The following ATAD2B variants were observed in gnomAD, a reference collection of about 807,000 sequenced individuals.
ATAD2B encodes the protein ATPase family AAA domain-containing protein 2B.
A neutral mutation model predicts 167.6 loss-of-function variants in ATAD2B; 40 were observed. The observed-to-expected ratio is 0.24, with a 90% CI of 0.19 to 0.31. ATAD2B has a LOEUF of 0.31. Ranked by LOEUF, ATAD2B falls within the 10% of genes least tolerant of loss-of-function variation. ATAD2B has a pLI of 1.00. For missense variants in ATAD2B, 1,242 were observed against 1,757.2 expected, an observed-to-expected ratio of 0.71 and a Z score of 5.24; for synonymous variants, 579 against 596.5, an observed-to-expected ratio of 0.97 and a Z score of 0.43.
intron 22 of ATAD2B, among the ~76,000 whole-genome samples, chr2:23,767,719 G>C (rs1301704299): frequency 6.6e-6 from 1 of 152,100 alleles, no homozygotes; most frequent in Non-Finnish European, 1.5e-5. Flanking sequence ...GACTTGAACT[G>C]GGGTAATGGT....
intron 13 of ATAD2B, among the ~76,000 whole-genome samples, chr2:23,834,374 C>G (rs1167809735): frequency 6.6e-6 from 1 of 151,782 alleles, no homozygotes; most frequent in Non-Finnish European, 1.5e-5. Context: ...ATTGGTCAGG[C>G]TGGTCTCGAA....
rs1704899146 is a variant in ATAD2B at position 23,926,645 on chromosome 2, C to G, written c.126G>C (p.Arg42=). The change falls in exon 1 of 28, where the codon CGG becomes CGC. Residue 42 remains arginine (R), a synonymous_variant. Transcript: ENST00000238789. ...TGGSSHFISS[R]TRSSKTRAAS... ...CGGCGCGGGTCTTGGAGGAGCGGGT[C>G]CGAGAGGAGATGAAATGGCTGCTGC... 6.4e-7 allele frequency: 1 copy of G among 1,563,346 alleles called. No individual in the cohort carries two copies. The highest frequency in any genetic ancestry group is 8.7e-7 in the Non-Finnish European group (1 of 1,154,942).
At chr2:23,915,146 A>G (rs895025669) in intron 1 of ATAD2B, among the ~76,000 whole-genome samples, 1 of 152,196 alleles carries the variant, frequency 6.6e-6, no homozygotes, top group Non-Finnish European at 1.5e-5. Context: ...CTGTATGTAT[A>G]CAGAGTTACT....
intron 13 of ATAD2B, among the ~76,000 whole-genome samples, chr2:23,840,991 C>A (rs1247512176): frequency 6.6e-6 from 1 of 152,072 alleles, no homozygotes; most frequent in Non-Finnish European, 1.5e-5. Context: ...ACTGCAGCCT[C>A]GACCACCCAG....
rs1460266586 is a variant in ATAD2B, at chr2:23,750,735, T to A, written c.*1311A>T. 4 of 152,176 alleles carry A rather than the reference T, an allele frequency of 2.6e-5. No homozygotes were observed. The East Asian group carries it at 7.7e-4, about 29-fold the overall frequency. The allele number at this position is 152,176 out of a possible 1,614,324, so 9.4% of individuals were successfully genotyped here. On this transcript the variant is annotated 3_prime_UTR_variant, in exon 28 of 28. Transcript: ENST00000238789. ...AAAGTCACTGCATCCTTTGCCTCAT[T>A]GCAACTGCCTAGACTGTGTCTCCAA...
At chr2:23,790,802 C>G (rs1451960092) in intron 19 of ATAD2B, among the ~76,000 whole-genome samples, 1 of 152,240 alleles carries the variant, frequency 6.6e-6, no homozygotes, top group Non-Finnish European at 1.5e-5. Context: ...GATGCCTTCC[C>G]TAACTTTCCC....
At chr2:23,914,468 A>C (rs1382809554) in intron 1 of ATAD2B, among the ~76,000 whole-genome samples, 2 of 152,200 alleles carry the variant, frequency 1.3e-5, no homozygotes, top group East Asian at 3.8e-4. Context: ...TATGGACATA[A>C]AGAGTTACCC....
At chr2:23,763,499 C>A (rs1279359241) in intron 23 of ATAD2B, among the ~76,000 whole-genome samples, 1 of 152,214 alleles carries the variant, frequency 6.6e-6, no homozygotes, top group East Asian at 1.9e-4. Flanking sequence ...CTTTTTGTCT[C>A]TATAGACTTG....
chr2:23,764,723 T>G (rs976409935), intron 23 of ATAD2B, among the ~76,000 whole-genome samples: 2 of 152,228 alleles, frequency 1.3e-5, no homozygotes, highest in African/African-American at 4.8e-5. Context: ...TTCATAATTT[T>G]TGTGTCCTAG....
At chr2:23,868,102 C>CT (rs1695413613) in intron 9 of ATAD2B, among the ~76,000 whole-genome samples, 156 bp from the exon 10 acceptor site, 1 of 152,148 alleles carries the variant, frequency 6.6e-6, no homozygotes, top group African/African-American at 2.4e-5. Context: ...CTCTACTTTT[C>CT]TTACATTCTT....
At chr2:23,886,230 G>A (rs573594866) in intron 4 of ATAD2B, among the ~76,000 whole-genome samples, 5 of 152,012 alleles carry the variant, frequency 3.3e-5, no homozygotes, top group South Asian at 4.2e-4. Flanking sequence ...ACAGTGATGC[G>A]CCCCACCATA....
chr2:23,926,172 C>G (rs1704770881), intron 1 of ATAD2B, among the ~76,000 whole-genome samples: 1 of 152,170 alleles, frequency 6.6e-6, no homozygotes, highest in Non-Finnish European at 1.5e-5. Flanking sequence ...GGTTTGACAC[C>G]GCAGAAAACT....
the ATAD2B span, among the ~76,000 whole-genome samples, chr2:23,693,961 G>A: frequency 1.8e-3 from 268 of 152,336 alleles, 1 homozygote; most frequent in African/African-American, 6.2e-3. Flanking sequence ...TACAGAGAGG[G>A]CTCCCGCCCC....
In ATAD2B at chr2:23,885,746, A is replaced by G. The variant is rs750975411; in HGVS notation, c.656T>C (p.Met219Thr). Reference protein sequence around the residue: ...RRSGEVERLRMWTDTEFENMD... With the variant: ...RRSGEVERLRTWTDTEFENMD... ...ACTCACAAATTCTGTATCTGTCCAC[A>G]TTCGAAGTCGTTCTACTTCTCCTGA... The change falls in exon 5 of 28, where the codon ATG (methionine) becomes ACG (threonine). Residue 219 changes from methionine to threonine, a missense_variant. By Grantham distance (81) the Met-to-Thr change is moderately conservative. This residue lies in a region of ATAD2B where 99 missense variants were observed against 160.4 expected (regional missense o/e 0.62). Transcript: ENST00000238789. 1 of 1,592,726 alleles carries G rather than the reference A, an allele frequency of 6.3e-7. No individual in the cohort carries two copies.
intron 18 of ATAD2B, 34 bp from the exon 19 acceptor site, chr2:23,798,357 C>A: frequency 1.3e-6 from 2 of 1,492,852 alleles, no homozygotes; most frequent in South Asian, 2.5e-5. Flanking sequence ...TTAAACAACT[C>A]AAATTGATTA....
the ATAD2B span, among the ~76,000 whole-genome samples, chr2:23,723,970 A>C: frequency 0.84 from 127,898 of 152,246 alleles, 55,692 homozygotes; most frequent in East Asian, 1. Context: ...CCATTTGCAG[A>C]AACATGGATG....
chr2:23,833,445 C>T (rs1336673751), intron 14 of ATAD2B, among the ~76,000 whole-genome samples: 1 of 152,058 alleles, frequency 6.6e-6, no homozygotes. Context: ...AAACATTACC[C>T]TGTATTATTA....
chr2:23,704,692 G>A, the ATAD2B span, among the ~76,000 whole-genome samples: 530 of 152,260 alleles, frequency 3.5e-3, 2 homozygotes, highest in Non-Finnish European at 6.0e-3. Flanking sequence ...GCTTGAACCC[G>A]GGAGGCGGAG....
intron 19 of ATAD2B, among the ~76,000 whole-genome samples, chr2:23,795,015 T>A (rs1682382356): frequency 6.6e-6 from 1 of 152,188 alleles, no homozygotes. Flanking sequence ...AATAAGACAC[T>A]AATCATGGAA....
Sources: allele counts gnomAD v4.1 joint callset (sites outside exome capture counted in the v4.1 genomes callset), GRCh38; gene constraint gnomAD v4.1.1; regional missense constraint gnomAD v4.1.1; transcripts MANE v1.5; gene names NCBI Gene and HGNC (gene_info 2026-07-23, HGNC 2026-07-21).